HIVEP3: variants seen among roughly 807,000 people sequenced by gnomAD.
HIVEP3 encodes the protein HIVEP zinc finger 3, also known as transcription factor HIVEP3.
HIVEP3 carries 49 observed loss-of-function variants against 152.8 expected under a neutral mutation model. That is an observed-to-expected ratio of 0.32 (90% CI 0.26 to 0.41). The LOEUF (loss-of-function observed/expected upper bound fraction) is 0.41, where lower values mean the gene tolerates loss of function less well. Ranked by LOEUF, HIVEP3 falls within the 10% of genes least tolerant of loss-of-function variation. The probability of loss-of-function intolerance (pLI) is 1.00; values close to 1 mark genes in which losing one functional copy is unlikely to be tolerated. For missense variants in HIVEP3, 2,790 were observed against 3,103.3 expected (o/e 0.90, Z 2.40); for synonymous variants, 1,269 against 1,289.0 (o/e 0.98, Z 0.33).
intron 1 of HIVEP3, among the ~76,000 whole-genome samples, chr1:41,732,607 C>T (rs1024615156): frequency 1.3e-5 from 2 of 152,188 alleles, no homozygotes; most frequent in African/African-American, 4.8e-5. Context: ...GCTTTGTACC[C>T]AAGCCACTCT....
At chr1:41,684,449 C>A (rs540553627) in intron 2 of HIVEP3, among the ~76,000 whole-genome samples, 4 of 152,346 alleles carry the variant, frequency 2.6e-5, no homozygotes, top group African/African-American at 7.2e-5. Context: ...TGTACAGTCC[C>A]ATGGTGCTGC....
intron 3 of HIVEP3, among the ~76,000 whole-genome samples, chr1:41,614,742 G>A (rs1644943605): frequency 6.6e-6 from 1 of 152,222 alleles, no homozygotes; most frequent in African/African-American, 2.4e-5. Flanking sequence ...GCCCCACATG[G>A]TAGCTCTCTT....
chr1:41,925,175 T>C (rs2124477027), intron 1 of HIVEP3, among the ~76,000 whole-genome samples: 1 of 152,312 alleles, frequency 6.6e-6, no homozygotes, highest in Middle Eastern at 3.4e-3. Context: ...AAAGAATGTA[T>C]GACAGAGACT....
At chr1:41,770,785 C>G (rs186915580) in intron 1 of HIVEP3, among the ~76,000 whole-genome samples, 62 of 152,184 alleles carry the variant, frequency 4.1e-4, no homozygotes, top group African/African-American at 1.3e-3. Flanking sequence ...TGACCCCCAC[C>G]CCCAAATGCA....
intron 2 of HIVEP3, among the ~76,000 whole-genome samples, chr1:41,639,168 C>T (rs1645333433): frequency 6.6e-6 from 1 of 152,104 alleles, no homozygotes; most frequent in Admixed American, 6.5e-5. Flanking sequence ...TTATTGTGGT[C>T]TGTGATCAAT....
intron 2 of HIVEP3, among the ~76,000 whole-genome samples, chr1:41,660,716 G>GA (rs1470513896): frequency 1.3e-5 from 2 of 151,936 alleles, no homozygotes; most frequent in African/African-American, 4.8e-5. Context: ...CCCGCAACTA[G>GA]AAAAAAAATG....
intron 1 of HIVEP3, among the ~76,000 whole-genome samples, chr1:41,799,075 T>C (rs995789306): frequency 1.3e-5 from 2 of 152,226 alleles, no homozygotes; most frequent in African/African-American, 4.8e-5. Flanking sequence ...AATATCCTGA[T>C]GATCTTCCAA....
In HIVEP3 at chr1:41,582,762, G is replaced by A. The variant is rs763251216; in HGVS notation, c.2036C>T (p.Thr679Ile). 6 of 1,614,196 alleles carry A rather than the reference G, an allele frequency of 3.7e-6. No homozygotes were observed. In the South Asian group the frequency reaches 5.5e-5, roughly 15 times the overall value. The change falls in exon 4 of 9, where the codon ACC becomes ATC. Residue 679 changes from threonine to isoleucine, a missense_variant. Physicochemically the swap from Thr to Ile is moderately conservative, Grantham distance 89. This residue lies in a region of HIVEP3 where 339 missense variants were observed against 327.0 expected (regional missense o/e 1.04). Coordinates refer to ENST00000372583, the MANE Select transcript of HIVEP3 (RefSeq NM_024503.5). This position sits in a 1 kb window ranked among gnomAD's most constrained non-coding sequence, Gnocchi z 4.7. Reference protein sequence around the residue: ...LQIAKPISAGTHTSPEAEKSQ... With the variant: ...LQIAKPISAGIHTSPEAEKSQ... ...CTTTTCAGCTTCTGGAGATGTGTGG[G>A]TGCCTGCAGAGATGGGCTTTGCGAT...
intron 1 of HIVEP3, among the ~76,000 whole-genome samples, chr1:42,013,492 T>C (rs545051016): frequency 6.6e-6 from 1 of 152,328 alleles, no homozygotes; most frequent in East Asian, 1.9e-4. Context: ...ATATTTAAAA[T>C]CTCAACAGGA....
chr1:41,901,326 G>T (rs1284975793), intron 1 of HIVEP3, among the ~76,000 whole-genome samples: 1 of 152,124 alleles, frequency 6.6e-6, no homozygotes, highest in East Asian at 1.9e-4. Context: ...GAGATGCTAA[G>T]AAGGGGGCTG....
At chr1:41,967,036 C>A (rs535242186) in intron 1 of HIVEP3, among the ~76,000 whole-genome samples, 25 of 152,170 alleles carry the variant, frequency 1.6e-4, no homozygotes, top group African/African-American at 6.0e-4. Context: ...TACAGAAACA[C>A]CCAGATTCAT....
At chr1:41,927,954 G>A (rs1402404282) in intron 1 of HIVEP3, among the ~76,000 whole-genome samples, 4 of 151,342 alleles carry the variant, frequency 2.6e-5, no homozygotes, top group South Asian at 2.1e-4. Flanking sequence ...CCAGCTACTC[G>A]GGAGGCTGAG....
intron 1 of HIVEP3, among the ~76,000 whole-genome samples, chr1:41,890,640 C>G (rs1277881022): frequency 6.6e-6 from 1 of 152,248 alleles, no homozygotes; most frequent in Non-Finnish European, 1.5e-5. Flanking sequence ...AGTTAAGCAG[C>G]TTCCCCCGGA....
intron 1 of HIVEP3, among the ~76,000 whole-genome samples, chr1:41,981,545 TG>T (rs1645293800): frequency 6.6e-6 from 1 of 152,136 alleles, no homozygotes; most frequent in African/African-American, 2.4e-5. Flanking sequence ...GCACTAGCTG[TG>T]TGACCTTCTG....
chr1:41,764,858 G>A (rs937461179), intron 1 of HIVEP3, among the ~76,000 whole-genome samples: 3 of 152,176 alleles, frequency 2.0e-5, no homozygotes, highest in Non-Finnish European at 2.9e-5. Context: ...TGGCAGTGAC[G>A]CTCTCCCTGG....
intron 5 of HIVEP3, among the ~76,000 whole-genome samples, chr1:41,568,995 A>C (rs1221073813): frequency 1.3e-5 from 2 of 152,100 alleles, no homozygotes; most frequent in Non-Finnish European, 2.9e-5. Flanking sequence ...CTGGTTGTTT[A>C]AAACTTGTGT....
rs766641273 is a variant in HIVEP3 at position 41,584,622 on chromosome 1, A to T, written c.176T>A (p.Phe59Tyr). ...PAQELLAPQP[F>Y]PGPSSVLREG... ...CCTAAGAACTGATGAGGGGCCCGGG[A>T]AGGGCTGCGGGGCTAAGAGCTCTTG... Residue 59 changes from phenylalanine (F) to tyrosine (Y), a missense_variant, in exon 4 of 9, where the codon TTC becomes TAC. By Grantham distance (22) the Phe-to-Tyr change is conservative. Coordinates refer to ENST00000372583, the MANE Select transcript of HIVEP3 (RefSeq NM_024503.5). The surrounding 1 kb of genome is among the most constrained non-coding windows in gnomAD (Gnocchi z 5.2). The T allele has an allele frequency of 1.2e-6, 2 of 1,609,638 alleles. No homozygotes were observed. The highest frequency in any genetic ancestry group is 1.7e-6 in the Non-Finnish European group (2 of 1,177,248).
intron 1 of HIVEP3, among the ~76,000 whole-genome samples, chr1:41,777,077 G>A (rs764522179): frequency 3.9e-5 from 6 of 152,316 alleles, no homozygotes; most frequent in East Asian, 1.9e-4. Flanking sequence ...CAGGAGGGCC[G>A]TGGGAGAAAA....
At position 41,742,824 on chromosome 1, in the gene HIVEP3, T is replaced by C. The variant is rs75569982; in HGVS notation, c.-800-41829A>G. ...CCCTCACTGTCTAGAATTTGCAGTCTGTGTTGGTTTGAGAATCTGTGTAAC... is the reference window on the plus strand; with the variant it reads ...CCCTCACTGTCTAGAATTTGCAGTCCGTGTTGGTTTGAGAATCTGTGTAAC... On this transcript the variant is annotated intron_variant, in intron 1 of 8. Coordinates refer to ENST00000372583, the MANE Select transcript of HIVEP3 (RefSeq NM_024503.5). Among the ~76,000 whole-genome samples, 1,264 of 152,292 alleles carry C rather than the reference T, an allele frequency of 8.3e-3. 8 individuals are homozygous for C. The highest frequency in any genetic ancestry group is 0.029 in the African/African-American group (1,204 of 41,538).
Sources: allele counts gnomAD v4.1 joint callset (sites outside exome capture counted in the v4.1 genomes callset), GRCh38; gene constraint gnomAD v4.1.1; regional missense constraint gnomAD v4.1.1; non-coding constraint Gnocchi (gnomAD v3.1); transcripts MANE v1.5; gene names NCBI Gene and HGNC (gene_info 2026-07-23, HGNC 2026-07-21).